Variants in NME8 observed in about 807,000 individuals in gnomAD.
The protein encoded by NME8 is NME/NM23 family member 8.
NME8 carries 72 observed loss-of-function variants against 82.3 expected under a neutral mutation model. That is an observed-to-expected ratio of 0.87 (90% CI 0.72 to 1.06). NME8 has a LOEUF of 1.06. Among genes scored for constraint, NME8 ranks in the 50% least tolerant of loss-of-function variants. The pLI is 0.00. For missense variants in NME8, 712 were observed against 685.4 expected (o/e 1.04, Z -0.43); for synonymous variants, 267 against 228.5 (o/e 1.17, Z -1.52).
At chr7:37,862,991 G>A (rs572947785) in intron 7 of NME8, among the ~76,000 whole-genome samples, 2 of 151,894 alleles carry the variant, frequency 1.3e-5, no homozygotes, top group Non-Finnish European at 2.9e-5. Context: ...ATGGTGGCAG[G>A]TGCCTGTAAT....
intron 16 of NME8, among the ~76,000 whole-genome samples, chr7:37,896,528 C>T (rs2131977251): frequency 6.6e-6 from 1 of 152,332 alleles, no homozygotes; most frequent in South Asian, 2.1e-4. Flanking sequence ...GCAAGGCTAT[C>T]TTAACTTGAG....
chr7:37,887,076 C>T (rs754396082), intron 14 of NME8, among the ~76,000 whole-genome samples: 1 of 151,966 alleles, frequency 6.6e-6, no homozygotes, highest in Non-Finnish European at 1.5e-5. Context: ...GTGAAATGAG[C>T]AGTGAGCATT....
At chr7:37,894,879 C>T (rs1785197319) in intron 16 of NME8, among the ~76,000 whole-genome samples, 2 of 151,448 alleles carry the variant, frequency 1.3e-5, no homozygotes, top group Admixed American at 1.3e-4. Flanking sequence ...CCTTCCCTTC[C>T]CTTTCCTTTC....
At chr7:37,865,760 A>G in intron 10 of NME8, 143 bp downstream of exon 10, 1 of 654,476 alleles carries the variant, frequency 1.5e-6, no homozygotes, top group South Asian at 1.7e-5. Flanking sequence ...TGTCCATATC[A>G]TGGAGATGCC....
At chr7:37,852,207 T>G (rs955150630) in intron 5 of NME8, among the ~76,000 whole-genome samples, 1 of 152,118 alleles carries the variant, frequency 6.6e-6, no homozygotes, top group Non-Finnish European at 1.5e-5. Flanking sequence ...TTAGAGCAGT[T>G]TTAGGCTCAT....
chr7:37,888,524 A>G, intron 15 of NME8, 96 bp downstream of exon 15: 1 of 1,207,914 alleles, frequency 8.3e-7, no homozygotes, highest in Non-Finnish European at 1.2e-6. Context: ...CAGGAAACAG[A>G]AAATTCCAAA....
chr7:37,887,574 C>T (rs190763326), intron 14 of NME8, among the ~76,000 whole-genome samples: 1 of 152,276 alleles, frequency 6.6e-6, no homozygotes, highest in Non-Finnish European at 1.5e-5. Context: ...AGTTAAGCAG[C>T]TCCCTAATAT....
chr7:37,892,182 A>G (rs1356091778), intron 15 of NME8, among the ~76,000 whole-genome samples: 1 of 151,966 alleles, frequency 6.6e-6, no homozygotes, highest in Admixed American at 6.6e-5. Flanking sequence ...TCTCAAGTCT[A>G]GTAGTTTTAC....
At chr7:37,876,288 A>T (rs1219037350) in intron 11 of NME8, among the ~76,000 whole-genome samples, 3 of 151,672 alleles carry the variant, frequency 2.0e-5, no homozygotes, top group African/African-American at 4.8e-5. Context: ...TATGAAACAT[A>T]AACATATATA....
At chr7:37,878,871 T>C (rs1325819640) in intron 12 of NME8, among the ~76,000 whole-genome samples, 2 of 152,146 alleles carry the variant, frequency 1.3e-5, no homozygotes, top group African/African-American at 4.8e-5. Flanking sequence ...TGTTAAAATA[T>C]CATTAACTAA....
intron 11 of NME8, among the ~76,000 whole-genome samples, chr7:37,876,578 A>G (rs1784856162): frequency 6.6e-6 from 1 of 152,134 alleles, no homozygotes; most frequent in Admixed American, 6.6e-5. Context: ...TTTTATTTTG[A>G]TCTTTGTTTA....
chr7:37,882,597 A>AAGAAAGAAAGAAAGAAAGAAAGAAAGAG (rs1554365622), intron 12 of NME8, among the ~76,000 whole-genome samples: 11 of 83,050 alleles, frequency 1.3e-4, no homozygotes, highest in African/African-American at 3.2e-4. Flanking sequence ...GAAAGAAAGA[A>AAGAAAGAAAGAAAGAAAGAAAGAAAGAG]AGAGAGAGAG....
chr7:37,860,252 C>T (rs1341957637), intron 6 of NME8, among the ~76,000 whole-genome samples: 8 of 152,168 alleles, frequency 5.3e-5, no homozygotes. Flanking sequence ...TTCTTGTCTT[C>T]ACCTCACAGC....
At chr7:37,877,319 C>T (rs1320084870) in intron 12 of NME8, among the ~76,000 whole-genome samples, 1 of 152,140 alleles carries the variant, frequency 6.6e-6, no homozygotes, top group Non-Finnish European at 1.5e-5. Context: ...TCTACCATAA[C>T]TGATAGTGTG....
intron 14 of NME8, 71 bp downstream of exon 14, chr7:37,885,323 T>C: frequency 1.1e-6 from 1 of 929,314 alleles, no homozygotes; most frequent in Non-Finnish European, 1.7e-6. Context: ...AGATGTAGAG[T>C]ATTGGAACCA....
intron 15 of NME8, 120 bp downstream of exon 15, chr7:37,888,548 G>A (rs1348307919): frequency 2.4e-6 from 2 of 830,690 alleles, no homozygotes; most frequent in Non-Finnish European, 2.0e-6. Flanking sequence ...GAAAAGTTGC[G>A]ATGAGTACTC....
intron 9 of NME8, 92 bp from the exon 10 acceptor site, chr7:37,865,433 A>G: frequency 1.2e-6 from 1 of 818,924 alleles, no homozygotes; most frequent in Non-Finnish European, 2.1e-6. Flanking sequence ...ATGTATTGAA[A>G]GCTGGTGGTT....
At chr7:37,883,241 T>C (rs1784991115) in intron 12 of NME8, among the ~76,000 whole-genome samples, 1 of 152,220 alleles carries the variant, frequency 6.6e-6, no homozygotes, top group African/African-American at 2.4e-5. Flanking sequence ...GTTGTCACTT[T>C]TTAAACTGTG....
At chr7:37,884,723 A>C (rs1048751879) in intron 13 of NME8, among the ~76,000 whole-genome samples, 1 of 152,236 alleles carries the variant, frequency 6.6e-6, no homozygotes, top group Non-Finnish European at 1.5e-5. Context: ...GTACAATACT[A>C]TGAAGTTTAA....
Sources: gnomAD v4.1 joint callset for allele counts (sites outside exome capture counted in the v4.1 genomes callset) on GRCh38, gnomAD v4.1.1 for gene constraint, MANE v1.5 for transcripts, NCBI Gene and HGNC (gene_info 2026-07-23, HGNC 2026-07-21) for gene names.